The following PRKG1 variants were observed in gnomAD, a reference collection of about 807,000 sequenced individuals.
PRKG1 encodes cGMP-dependent protein kinase 1.
In PRKG1, 35 loss-of-function variants were observed where a neutral mutation model predicts 88.1. That is an observed-to-expected ratio of 0.40 (90% CI 0.30 to 0.53). PRKG1 has a LOEUF of 0.53. PRKG1 is among the 20% of genes least tolerant of loss of function. The probability of loss-of-function intolerance (pLI) is 0.59; values close to 1 mark genes in which losing one functional copy is unlikely to be tolerated. For missense variants in PRKG1, 540 were observed against 839.8 expected (o/e 0.64, Z 4.41); for synonymous variants, 303 against 292.5 (o/e 1.04, Z -0.37).
chr10:51,689,093 G>A (rs998157174), intron 3 of PRKG1, among the ~76,000 whole-genome samples: 5 of 152,104 alleles, frequency 3.3e-5, no homozygotes, highest in African/African-American at 4.8e-5. Flanking sequence ...CGCCATGCTT[G>A]TGAGGCTTCC....
intron 2 of PRKG1, among the ~76,000 whole-genome samples, chr10:51,160,245 T>C (rs572149063): frequency 2.6e-5 from 4 of 152,318 alleles, no homozygotes; most frequent in Admixed American, 1.3e-4. Flanking sequence ...ATAAATCTAA[T>C]AATTTTGCAC....
intron 9 of PRKG1, among the ~76,000 whole-genome samples, chr10:52,207,070 T>C (rs1277280468): frequency 6.6e-6 from 1 of 152,174 alleles, no homozygotes; most frequent in Non-Finnish European, 1.5e-5. Context: ...CTTACCCCAG[T>C]AGTGGCAGTG....
At chr10:51,653,660 G>C (rs1301467920) in intron 3 of PRKG1, among the ~76,000 whole-genome samples, 1 of 151,830 alleles carries the variant, frequency 6.6e-6, no homozygotes, top group Non-Finnish European at 1.5e-5. Flanking sequence ...TCTGCCTCCC[G>C]AGTTCAAGCA....
intron 3 of PRKG1, among the ~76,000 whole-genome samples, chr10:51,513,753 A>G (rs1432244010): frequency 1.1e-5 from 1 of 94,854 alleles, no homozygotes; most frequent in African/African-American, 4.2e-5. Context: ...ACTACTGGGT[A>G]CATAACGAAA....
At chr10:51,841,638 G>C (rs1446881320) in intron 4 of PRKG1, among the ~76,000 whole-genome samples, 1 of 137,496 alleles carries the variant, frequency 7.3e-6, no homozygotes, top group African/African-American at 2.9e-5. Context: ...AATTCATGCT[G>C]TGACTGAATT....
At chr10:51,793,375 A>T (rs1447616221) in intron 3 of PRKG1, among the ~76,000 whole-genome samples, 4 of 152,102 alleles carry the variant, frequency 2.6e-5, no homozygotes, top group Non-Finnish European at 5.9e-5. Context: ...ATGATGGAAA[A>T]AAGAACAAAA....
At chr10:51,755,127 C>A (rs770491547) in intron 3 of PRKG1, among the ~76,000 whole-genome samples, 82 of 151,936 alleles carry the variant, frequency 5.4e-4, no homozygotes, top group Non-Finnish European at 9.6e-4. Context: ...CTGAGTTAAC[C>A]AATTCTGAAC....
intron 5 of PRKG1, among the ~76,000 whole-genome samples, chr10:51,993,283 T>C (rs914050249): frequency 2.6e-5 from 4 of 152,064 alleles, no homozygotes; most frequent in Non-Finnish European, 4.4e-5. Flanking sequence ...TCTGGCTCAG[T>C]AGTATAGGCT....
At chr10:51,960,578 A>T (rs1843423382) in intron 5 of PRKG1, among the ~76,000 whole-genome samples, 2 of 150,694 alleles carry the variant, frequency 1.3e-5, no homozygotes, top group Admixed American at 6.6e-5. Flanking sequence ...CTATATCGTT[A>T]CCCACAGTGC....
At position 51,902,938 on chromosome 10, in the gene PRKG1, C is replaced by T. The variant is rs185910412; in HGVS notation, c.699-4569C>T. Among the ~76,000 whole-genome samples, 201 of 152,250 alleles carry T rather than the reference C, an allele frequency of 1.3e-3. 2 individuals are homozygous for T. Among genetic ancestry groups the T allele is most frequent in the African/African-American group, 4.7e-3 (194 of 41,542 alleles). On this transcript the variant is annotated intron_variant, in intron 4 of 17. Transcript: ENST00000373980. ...GGGTCACAGGAAATCCCTGGGTTCC[C>T]AGACCACATTTTGAGAACTCCTGCT...
At chr10:51,829,347 G>A (rs953678179) in intron 4 of PRKG1, among the ~76,000 whole-genome samples, 12 of 152,174 alleles carry the variant, frequency 7.9e-5, no homozygotes, top group African/African-American at 2.9e-4. Context: ...AAAGTGGGAA[G>A]GTGGCAGGTT....
chr10:51,465,435 G>C (rs1427021471), intron 2 of PRKG1, among the ~76,000 whole-genome samples: 1 of 152,000 alleles, frequency 6.6e-6, no homozygotes, highest in Non-Finnish European at 1.5e-5. Flanking sequence ...TTTGCTTTTA[G>C]ATCTATTAGT....
intron 1 of PRKG1, among the ~76,000 whole-genome samples, chr10:51,041,231 C>A (rs190478123): frequency 5.7e-4 from 87 of 152,268 alleles, no homozygotes; most frequent in African/African-American, 1.9e-3. Flanking sequence ...GGGCTCCCTT[C>A]TGGTCCAGGG....
At chr10:51,648,951 C>A (rs138383370) in intron 3 of PRKG1, among the ~76,000 whole-genome samples, 3 of 152,196 alleles carry the variant, frequency 2.0e-5, no homozygotes, top group Non-Finnish European at 4.4e-5. Context: ...TGCCTATAAT[C>A]CCAACACTTT....
At chr10:51,010,176 G>A (rs1842977325) in intron 1 of PRKG1, among the ~76,000 whole-genome samples, 1 of 152,196 alleles carries the variant, frequency 6.6e-6, no homozygotes, top group South Asian at 2.1e-4. Flanking sequence ...GGTAGATGTG[G>A]AATTCCATGG....
rs1048855235 is a variant in PRKG1, at chr10:51,405,618, C to G, written c.479-62105C>G. ...TGGCACATATATGCAGGAAATGAAG[C>G]CTTTGGCAAACTTTTACTAGGATCC... is the stretch of plus-strand genomic sequence containing the variant. On this transcript the variant is annotated intron_variant, in intron 2 of 17. Coordinates refer to ENST00000373980, the MANE Select transcript of PRKG1 (RefSeq NM_006258.4). Among the ~76,000 whole-genome samples, 5 of 152,160 alleles carry G rather than the reference C, an allele frequency of 3.3e-5. No individual in the cohort carries two copies. The East Asian group carries it at 9.6e-4, about 29-fold the overall frequency.
intron 2 of PRKG1, among the ~76,000 whole-genome samples, chr10:51,206,210 G>A (rs564636359): frequency 2.6e-4 from 39 of 152,098 alleles, no homozygotes; most frequent in Non-Finnish European, 5.0e-4. Flanking sequence ...AGCCATTACC[G>A]GCTGGGCGCG....
At chr10:51,627,926 CT>C (rs1227299312) in intron 3 of PRKG1, among the ~76,000 whole-genome samples, 53 of 30,514 alleles carry the variant, frequency 1.7e-3, no homozygotes, top group Middle Eastern at 0.048. Context: ...CCTTCCCTTC[CT>C]TTCTTCCTTC....
chr10:51,179,442 G>A (rs577738219), intron 2 of PRKG1, among the ~76,000 whole-genome samples: 32 of 152,284 alleles, frequency 2.1e-4, no homozygotes, highest in South Asian at 4.1e-4. Context: ...GGCTTTATCC[G>A]TACATATTCG....
Sources: allele counts gnomAD v4.1 joint callset (sites outside exome capture counted in the v4.1 genomes callset), GRCh38; gene constraint gnomAD v4.1.1; transcripts MANE v1.5; gene names NCBI Gene and HGNC (gene_info 2026-07-23, HGNC 2026-07-21).